The following RAB3GAP1 variants were observed in gnomAD, a reference collection of about 807,000 sequenced individuals.
RAB3GAP1 encodes RAB3 GTPase activating protein catalytic subunit 1.
In RAB3GAP1, 86 loss-of-function variants were observed where a neutral mutation model predicts 130.7. The ratio of observed to expected loss-of-function variants is 0.66; its 90% CI spans 0.55 to 0.79. The LOEUF (loss-of-function observed/expected upper bound fraction) is 0.79. Among genes scored for constraint, RAB3GAP1 ranks in the 30% least tolerant of loss-of-function variants. The probability of loss-of-function intolerance (pLI) is 0.00; values close to 1 mark genes in which losing one functional copy is unlikely to be tolerated. For synonymous variants in RAB3GAP1, 367 were observed against 401.7 expected (o/e 0.91, Z 1.03); for missense variants, 1,029 against 1,169.4 (o/e 0.88, Z 1.75).
intron 23 of RAB3GAP1, among the ~76,000 whole-genome samples, chr2:135,166,299 C>G (rs1392023061): frequency 6.6e-6 from 1 of 152,022 alleles, no homozygotes; most frequent in African/African-American, 2.4e-5. Context: ...ACCTCCTTAC[C>G]CCCTCTACTG....
chr2:135,090,394 T>C (rs1331388085), intron 3 of RAB3GAP1, among the ~76,000 whole-genome samples: 1 of 152,204 alleles, frequency 6.6e-6, no homozygotes, highest in South Asian at 2.1e-4. Context: ...TATGTGGTGC[T>C]ATGCTGTAAT....
chr2:135,080,737 G>T (rs145990128), intron 3 of RAB3GAP1, among the ~76,000 whole-genome samples: 166 of 152,292 alleles, frequency 1.1e-3, no homozygotes, highest in African/African-American at 3.9e-3. Context: ...TTCTCTGGTT[G>T]AATTGTGGTT....
chr2:135,117,726 T>G (rs1037927158), intron 7 of RAB3GAP1, among the ~76,000 whole-genome samples: 9 of 148,242 alleles, frequency 6.1e-5, no homozygotes, highest in South Asian at 2.1e-4. Flanking sequence ...TTCTTCTGCT[T>G]CTTCTTCTTC....
In RAB3GAP1 at chr2:135,082,113, G is replaced by T. The variant is rs565993807; in HGVS notation, c.151-8885G>T. ...GCCAAGATCATGACATTGCACTCCA[G>T]CCTGGGTGACAGAGCAAGACTCTGT... On this transcript the variant is annotated intron_variant, in intron 3 of 23. Transcript: ENST00000264158. Among the ~76,000 whole-genome samples the T allele has an allele frequency of 6.6e-4, 99 of 149,284 alleles. 1 individual carries two copies. The highest frequency in any genetic ancestry group is 5.9e-5 in the Non-Finnish European group (4 of 67,864).
At chr2:135,083,697 T>C (rs1213040744) in intron 3 of RAB3GAP1, among the ~76,000 whole-genome samples, 2 of 149,294 alleles carry the variant, frequency 1.3e-5, no homozygotes, top group Non-Finnish European at 3.0e-5. Context: ...ACTCTTGGCC[T>C]CAAGCAATCC....
chr2:135,101,125 A>C (rs1021294835), intron 5 of RAB3GAP1, among the ~76,000 whole-genome samples: 1 of 152,214 alleles, frequency 6.6e-6, no homozygotes, highest in African/African-American at 2.4e-5. Flanking sequence ...GGACTTTGGT[A>C]TGTGGGTATT....
At chr2:135,055,902 T>A (rs1286787515) in intron 2 of RAB3GAP1, among the ~76,000 whole-genome samples, 1 of 152,016 alleles carries the variant, frequency 6.6e-6, no homozygotes, top group Non-Finnish European at 1.5e-5. Context: ...AGTGGCGCGA[T>A]CTCGGCTCAC....
intron 3 of RAB3GAP1, among the ~76,000 whole-genome samples, chr2:135,064,058 A>G (rs1258884733): frequency 6.6e-6 from 1 of 152,022 alleles, no homozygotes; most frequent in Non-Finnish European, 1.5e-5. Flanking sequence ...TTCTAAGGAG[A>G]AGGTAGATAT....
At chr2:135,138,471 CA>C (rs558129065) in intron 17 of RAB3GAP1, among the ~76,000 whole-genome samples, 26 of 152,076 alleles carry the variant, frequency 1.7e-4, no homozygotes, top group African/African-American at 4.8e-4. Flanking sequence ...AAGTGAAAGC[CA>C]CCATCCACTA....
intron 23 of RAB3GAP1, 64 bp downstream of exon 23, chr2:135,164,760 T>A: frequency 7.6e-7 from 1 of 1,322,280 alleles, no homozygotes; most frequent in Non-Finnish European, 1.1e-6. Context: ...GAAGAGGCTG[T>A]TTTAGTTCCC....
intron 19 of RAB3GAP1, among the ~76,000 whole-genome samples, chr2:135,158,627 A>G (rs1692381384): frequency 6.6e-6 from 1 of 152,228 alleles, no homozygotes; most frequent in Non-Finnish European, 1.5e-5. Flanking sequence ...TTCATTTTGC[A>G]ACCATGTTCA....
At chr2:135,137,211 T>C (rs184731754) in intron 17 of RAB3GAP1, 2 of 418,420 alleles carry the variant, frequency 4.8e-6, no homozygotes, top group Admixed American at 2.7e-5. Flanking sequence ...ATACCTACGA[T>C]GGCTTTTTGT....
chr2:135,145,111 T>A (rs1244060552), intron 17 of RAB3GAP1, among the ~76,000 whole-genome samples: 1 of 152,198 alleles, frequency 6.6e-6, no homozygotes, highest in Non-Finnish European at 1.5e-5. Context: ...TTTTATGGGG[T>A]ACATATGCTA....
intron 2 of RAB3GAP1, among the ~76,000 whole-genome samples, chr2:135,057,472 G>A (rs1349739019): frequency 6.6e-6 from 1 of 152,148 alleles, no homozygotes; most frequent in Non-Finnish European, 1.5e-5. Flanking sequence ...CGCGATGTCC[G>A]CTCACTGCAA....
In RAB3GAP1 at chr2:135,163,111, A is replaced by C. The variant is rs1200339734; in HGVS notation, c.2606+10A>C. The C allele has an allele frequency of 6.3e-7, 1 of 1,592,960 alleles. No homozygotes were observed. Among genetic ancestry groups the C allele is most frequent in the South Asian group, 1.1e-5 (1 of 90,666 alleles). ...AGGAAGATCTTGAAAGGTAATTGCT[A>C]TTTGGCTAATTCAGTTTTGTCTGCA... is the stretch of plus-strand genomic sequence containing the variant. On this transcript the variant is annotated intron_variant, in intron 22 of 23. Transcript: ENST00000264158.
Position 135,093,700 on chromosome 2 carries a change from A to G in RAB3GAP1, c.362+7A>G, listed in dbSNP as rs1047361230. The G allele has an allele frequency of 1.2e-5, 19 of 1,598,196 alleles. No individual in the cohort carries two copies. Among genetic ancestry groups the G allele is most frequent in the Admixed American group, 6.7e-5 (4 of 59,984 alleles). On this transcript the variant is annotated splice_region_variant and intron_variant, in intron 5 of 23. Coordinates refer to ENST00000264158, the MANE Select transcript of RAB3GAP1 (RefSeq NM_012233.3). Reference sequence around the variant, plus strand: ...CACATTGCCTGGTAAGATGGTAGGTATATCTTTTACTCAGTATCTTTTAGT... The same window carrying G: ...CACATTGCCTGGTAAGATGGTAGGTGTATCTTTTACTCAGTATCTTTTAGT...
intron 12 of RAB3GAP1, 133 bp downstream of exon 12, chr2:135,130,220 C>A: frequency 1.3e-6 from 1 of 761,862 alleles, no homozygotes; most frequent in Non-Finnish European, 2.2e-6. Context: ...GACTAGACAG[C>A]TACAGTTCCT....
At chr2:135,127,992 A>G (rs1245359974) in intron 11 of RAB3GAP1, among the ~76,000 whole-genome samples, 1 of 152,060 alleles carries the variant, frequency 6.6e-6, no homozygotes, top group Non-Finnish European at 1.5e-5. Context: ...ATGTTCATCC[A>G]TGCTACCTTA....
chr2:135,158,361 AC>A (rs538161034), intron 19 of RAB3GAP1, among the ~76,000 whole-genome samples: 135 of 152,270 alleles, frequency 8.9e-4, no homozygotes, highest in African/African-American at 3.2e-3. Context: ...ATTGCTCGAC[AC>A]TAAGGAAGTG....
Sources: allele counts gnomAD v4.1 joint callset (sites outside exome capture counted in the v4.1 genomes callset), GRCh38; gene constraint gnomAD v4.1.1; transcripts MANE v1.5; gene names NCBI Gene and HGNC (gene_info 2026-07-23, HGNC 2026-07-21).